SHQ1: variants seen among roughly 807,000 people sequenced by gnomAD.
SHQ1 encodes the protein SHQ1, H/ACA ribonucleoprotein assembly factor.
A neutral mutation model predicts 53.8 loss-of-function variants in SHQ1; 49 were observed. The observed-to-expected ratio is 0.91, with a 90% CI of 0.72 to 1.16. The LOEUF is 1.16. Among genes scored for constraint, SHQ1 ranks in the 50% most tolerant of loss-of-function variants. The pLI is 0.00. For synonymous variants in SHQ1, 243 were observed against 251.0 expected (o/e 0.97, Z 0.30); for missense variants, 738 against 683.1 (o/e 1.08, Z -0.90).
At chr3:72,741,905 C>G in the SHQ1 span, among the ~76,000 whole-genome samples, 1 of 152,002 alleles carries the variant, frequency 6.6e-6, no homozygotes, top group Non-Finnish European at 1.5e-5. Context: ...TATAAGTAAT[C>G]TAGAGATGAT....
chr3:72,828,782 G>A (rs1452321629), intron 5 of SHQ1, among the ~76,000 whole-genome samples: 1 of 152,126 alleles, frequency 6.6e-6, no homozygotes, highest in Non-Finnish European at 1.5e-5. Flanking sequence ...AGCAGGGAGT[G>A]GCAAAAGTGA....
At chr3:72,821,409 C>T (rs1707475943) in intron 6 of SHQ1, among the ~76,000 whole-genome samples, 1 of 152,180 alleles carries the variant, frequency 6.6e-6, no homozygotes. Flanking sequence ...GCGTTTAACA[C>T]TTCCATTTAC....
intron 10 of SHQ1, among the ~76,000 whole-genome samples, chr3:72,767,205 A>T (rs1705749486): frequency 6.6e-6 from 1 of 152,226 alleles, no homozygotes; most frequent in Admixed American, 6.5e-5. Flanking sequence ...CATCAGAAAC[A>T]TAAGCAGGTT....
intron 5 of SHQ1, among the ~76,000 whole-genome samples, chr3:72,824,959 G>T (rs1265209174): frequency 6.6e-6 from 1 of 151,956 alleles, no homozygotes; most frequent in African/African-American, 2.4e-5. Flanking sequence ...ATGCTACTGT[G>T]CCTGGCTAAT....
intron 9 of SHQ1, among the ~76,000 whole-genome samples, chr3:72,803,245 A>T (rs979249806): frequency 6.6e-6 from 1 of 152,158 alleles, no homozygotes; most frequent in South Asian, 2.1e-4. Flanking sequence ...TTTAAAGATC[A>T]TTTTACTTTC....
At chr3:72,771,409 T>C (rs751602679) in intron 10 of SHQ1, among the ~76,000 whole-genome samples, 12 of 152,106 alleles carry the variant, frequency 7.9e-5, no homozygotes, top group Non-Finnish European at 1.5e-4. Context: ...CAGGGACAAA[T>C]GCAAAGATTG....
chr3:72,807,876 A>C (rs1302797601), intron 9 of SHQ1, among the ~76,000 whole-genome samples: 3 of 152,190 alleles, frequency 2.0e-5, no homozygotes, highest in Non-Finnish European at 4.4e-5. Flanking sequence ...ATAATTGATA[A>C]GTAAGGGCTA....
chr3:72,751,500 G>GTATA (rs1411876975), intron 10 of SHQ1, among the ~76,000 whole-genome samples: 60 of 119,578 alleles, frequency 5.0e-4, no homozygotes, highest in African/African-American at 2.2e-3. Context: ...GTGTGTGTGT[G>GTATA]TGTGTGTGTA....
chr3:72,750,394 G>C lies in SHQ1; in HGVS notation c.1624C>G (p.Leu542Val), dbSNP rs765452024. 34 of 1,613,974 alleles carry C rather than the reference G, an allele frequency of 2.1e-5. No homozygotes were observed. In the Admixed American group the frequency reaches 4.0e-4, roughly 19 times the overall value. ...ACTGTAGTCTTCAGTTGTTCCCCAA[G>C]CTCCTCTATCAGAGGCCCAGACACT... is the stretch of plus-strand genomic sequence containing the variant. ...LGVSGPLIEE[L>V]GEQLKTTVQV... Residue 542 changes from leucine (L) to valine (V), a missense_variant, in exon 11 of 11, where the codon CTT (leucine) becomes GTT (valine). Coordinates refer to ENST00000325599, the MANE Select transcript of SHQ1 (RefSeq NM_018130.3).
At chr3:72,773,365 AGAT>A (rs1705893793) in intron 10 of SHQ1, 1 of 523,826 alleles carries the variant, frequency 1.9e-6, no homozygotes, top group Non-Finnish European at 3.7e-6. Flanking sequence ...GGAAAGGAAA[AGAT>A]GACACAGTAC....
At chr3:72,767,932 G>A (rs1328541873) in intron 10 of SHQ1, among the ~76,000 whole-genome samples, 1 of 152,148 alleles carries the variant, frequency 6.6e-6, no homozygotes, top group Non-Finnish European at 1.5e-5. Flanking sequence ...CTTCCTGCGT[G>A]GGGCGGGAGA....
intron 10 of SHQ1, 107 bp downstream of exon 10, chr3:72,792,809 A>AC: frequency 2.5e-6 from 2 of 808,172 alleles, no homozygotes; most frequent in South Asian, 3.5e-5. Flanking sequence ...AAAAAAAAAA[A>AC]AACACAACTT....
chr3:72,824,406 C>T lies in SHQ1; in HGVS notation c.727+18G>A, dbSNP rs1165209047. 4.4e-6 allele frequency: 7 copies of T among 1,607,922 alleles called. No homozygotes were observed. The highest frequency in any genetic ancestry group is 1.3e-5 in the African/African-American group (1 of 74,620). On this transcript the variant is annotated intron_variant, in intron 6 of 10. Coordinates refer to ENST00000325599, the MANE Select transcript of SHQ1 (RefSeq NM_018130.3). ...AGATTTTAAAATGAAACAAATTAGC[C>T]GAATTTGAGTTTCTTACCTAATGTA...
At chr3:72,753,345 G>A in intron 10 of SHQ1, 3 of 985,446 alleles carry the variant, frequency 3.0e-6, no homozygotes, top group Non-Finnish European at 3.6e-6. Context: ...CTTCATTTCA[G>A]TGGAGCTGAT....
chr3:72,827,753 C>CTTT (rs397877851), intron 5 of SHQ1, among the ~76,000 whole-genome samples: 31 of 111,666 alleles, frequency 2.8e-4, no homozygotes, highest in Non-Finnish European at 4.0e-4. Flanking sequence ...TTTTTCAAGA[C>CTTT]TTTTTTTTTT....
chr3:72,757,001 T>C (rs1705510635), intron 10 of SHQ1, among the ~76,000 whole-genome samples: 4 of 152,204 alleles, frequency 2.6e-5, no homozygotes, highest in Admixed American at 2.6e-4. Context: ...CAAAACAAAA[T>C]GCAAAAGGAG....
chr3:72,734,811 A>G, the SHQ1 span, among the ~76,000 whole-genome samples: 1 of 151,646 alleles, frequency 6.6e-6, no homozygotes, highest in South Asian at 2.1e-4. Flanking sequence ...TCGTCGCACT[A>G]TTGCATTTTA....
At chr3:72,846,294 T>G (rs1708326191) in intron 1 of SHQ1, 1 of 1,528,200 alleles carries the variant, frequency 6.5e-7, no homozygotes, top group African/African-American at 1.4e-5. Context: ...GCAAACTGTA[T>G]GTTCTTTTTT....
At chr3:72,815,508 T>C (rs936172703) in intron 7 of SHQ1, 105 bp from the exon 8 acceptor site, 10 of 838,054 alleles carry the variant, frequency 1.2e-5, no homozygotes, top group Admixed American at 1.9e-5. Context: ...ATCACTGACA[T>C]ATGAGAACTA....
Sources: allele counts gnomAD v4.1 joint callset (sites outside exome capture counted in the v4.1 genomes callset), GRCh38; gene constraint gnomAD v4.1.1; transcripts MANE v1.5; gene names NCBI Gene and HGNC (gene_info 2026-07-23, HGNC 2026-07-21).